ODAD4: variants seen among roughly 807,000 people sequenced by gnomAD.
The protein encoded by ODAD4 is outer dynein arm docking complex subunit 4, also known as outer dynein arm-docking complex subunit 4.
Under a neutral mutation model 51.8 loss-of-function variants are expected in ODAD4, and 49 were observed. That is an observed-to-expected ratio of 0.95 (90% CI 0.75 to 1.20). ODAD4 has a LOEUF of 1.20. Ranked by LOEUF, ODAD4 falls within the 50% of genes most tolerant of loss-of-function variation. The pLI is 0.00. For synonymous variants in ODAD4, 235 were observed against 221.3 expected (o/e 1.06, Z -0.55); for missense variants, 590 against 586.5 (o/e 1.01, Z -0.06).
chr17:41,959,013 CAAA>C (rs72102753), intron 10 of ODAD4, among the ~76,000 whole-genome samples: 1 of 88,084 alleles, frequency 1.1e-5, no homozygotes, highest in Non-Finnish European at 2.4e-5. Flanking sequence ...GACTCCGTCT[CAAA>C]AAAAAAAAAA....
rs2050448329 is a variant in ODAD4 at position 41,937,775 on chromosome 17, C to T, written c.626-782C>T. Among the ~76,000 whole-genome samples, 4 of 152,340 alleles carry T rather than the reference C, an allele frequency of 2.6e-5. 1 individual carries two copies. In the South Asian group the frequency reaches 6.2e-4, roughly 24 times the overall value. ...GTGTGAGCCACTACACCTGGCCAGT[C>T]CAGTGCTCTTTCCACCACACTGCTG... On this transcript the variant is annotated intron_variant, in intron 5 of 11. Transcript: ENST00000377540.
intron 5 of ODAD4, among the ~76,000 whole-genome samples, chr17:41,937,403 A>C (rs1405845191): frequency 2.0e-5 from 3 of 152,172 alleles, no homozygotes; most frequent in Non-Finnish European, 4.4e-5. Flanking sequence ...TTGGGAAGGA[A>C]CTTTCATAAG....
chr17:41,965,152 C>A lies in ODAD4; in HGVS notation c.1688C>A (p.Ala563Glu). ...TTTGGGGAAGCTCTGCAGAGCCCAGCAAGCGGAAAGCAGAGTGTGGAAGCA... is the reference window on the plus strand; with the variant it reads ...TTTGGGGAAGCTCTGCAGAGCCCAGAAAGCGGAAAGCAGAGTGTGGAAGCA... ...EAFGEALQSP[A>E]SGKQSVEAGK... The change falls in exon 12 of 12, where the codon GCA becomes GAA. Residue 563 changes from alanine to glutamate, a missense_variant. Transcript: ENST00000377540. The A allele has an allele frequency of 1.3e-6, 1 of 773,162 alleles. No individual in the cohort carries two copies. The highest frequency in any genetic ancestry group is 2.4e-6 in the Non-Finnish European group (1 of 414,462). The allele number at this position is 773,162 out of a possible 1,614,324, so 47.9% of individuals were successfully genotyped here. A position where few individuals can be genotyped will look rare whatever the true frequency, so the allele number is the denominator to read the frequency against.
Position 41,965,049 on chromosome 17 carries a change from A to G in ODAD4, c.1585A>G (p.Arg529Gly). The G allele has an allele frequency of 1.3e-6, 1 of 744,090 alleles. No homozygotes were observed. Among genetic ancestry groups the G allele is most frequent in the Non-Finnish European group, 2.5e-6 (1 of 399,744 alleles). The allele number at this position is 744,090 out of a possible 1,614,324, so 46.1% of individuals were successfully genotyped here. ...AAGAGAGAAGGACATGAGGAGAGTG[A>G]GAGATGAGCCCGAGAAGGTGGTGAA... ...ITREKDMRRV[R>G]DEPEKVVKQW... The change falls in exon 12 of 12, where the codon AGA (arginine) becomes GGA (glycine). Residue 529 changes from arginine to glycine, a missense_variant. Around this residue, in one of 3 missense-constraint regions of ODAD4, gnomAD observed 226 missense variants for 162.7 expected, o/e 1.39. Coordinates refer to ENST00000377540, the MANE Select transcript of ODAD4 (RefSeq NM_031421.5).
intron 7 of ODAD4, among the ~76,000 whole-genome samples, chr17:41,940,556 A>G (rs1182971578): frequency 6.6e-6 from 1 of 152,120 alleles, no homozygotes; most frequent in Non-Finnish European, 1.5e-5. Flanking sequence ...GCCATCCCAT[A>G]TTAGAAAAAA....
intron 9 of ODAD4, 143 bp from the exon 10 acceptor site, chr17:41,955,074 A>C (rs1555640794): frequency 2.8e-6 from 2 of 717,548 alleles, no homozygotes; most frequent in Admixed American, 3.7e-5. Flanking sequence ...CAGCTCAGTG[A>C]TGCTTCCCTG....
chr17:41,936,413 A>G, intron 3 of ODAD4, 60 bp from the exon 4 acceptor site: 2 of 1,230,942 alleles, frequency 1.6e-6, no homozygotes, highest in Non-Finnish European at 1.2e-6. Flanking sequence ...ACATAAAAAT[A>G]TGTGATAAGT....
chr17:41,959,958 C>T (rs552230517), intron 10 of ODAD4, among the ~76,000 whole-genome samples: 1 of 152,324 alleles, frequency 6.6e-6, no homozygotes, highest in South Asian at 2.1e-4. Flanking sequence ...TTGTCGTCCT[C>T]GTCATAAATG....
chr17:41,962,999 G>C (rs9900219), intron 11 of ODAD4, among the ~76,000 whole-genome samples: 1 of 151,998 alleles, frequency 6.6e-6, no homozygotes, highest in East Asian at 1.9e-4. Context: ...CTCTGTCTCC[G>C]CCCCCACATG....
At chr17:41,954,695 A>T (rs1372577262) in intron 9 of ODAD4, among the ~76,000 whole-genome samples, 1 of 151,908 alleles carries the variant, frequency 6.6e-6, no homozygotes, top group Non-Finnish European at 1.5e-5. Flanking sequence ...TACTTAAAAA[A>T]CAAAATTAGC....
rs967841357 is a variant in ODAD4 at position 41,966,090 on chromosome 17, C to A, written c.*607C>A. 1.3e-5 allele frequency among the ~76,000 whole-genome samples: 2 copies of A among 152,232 alleles called. No homozygotes were observed. On this transcript the variant is annotated 3_prime_UTR_variant, in exon 12 of 12. Coordinates refer to ENST00000377540, the MANE Select transcript of ODAD4 (RefSeq NM_031421.5). Reference sequence around the variant, plus strand: ...GCTTCTCCTCTGAACAATGGGATACCTGCCTCAGGGGTTGCTGCGAGGACT... The same window carrying A: ...GCTTCTCCTCTGAACAATGGGATACATGCCTCAGGGGTTGCTGCGAGGACT...
intron 9 of ODAD4, among the ~76,000 whole-genome samples, chr17:41,952,365 C>A (rs1192198777): frequency 2.7e-3 from 233 of 87,078 alleles, no homozygotes; most frequent in African/African-American, 4.0e-3. Flanking sequence ...GACTCTGTAT[C>A]AAAAAAAAAA....
intron 10 of ODAD4, among the ~76,000 whole-genome samples, chr17:41,957,958 A>C (rs1029651292): frequency 6.6e-6 from 1 of 151,968 alleles, no homozygotes; most frequent in Non-Finnish European, 1.5e-5. Flanking sequence ...TTTTTTGTAG[A>C]GATGAGGTCT....
chr17:41,936,447 C>T, intron 3 of ODAD4, 26 bp from the exon 4 acceptor site: 3 of 1,598,246 alleles, frequency 1.9e-6, no homozygotes, highest in Non-Finnish European at 2.6e-6. Context: ...TCTGGCCGAC[C>T]TGAGCTCCAG....
intron 9 of ODAD4, among the ~76,000 whole-genome samples, chr17:41,954,396 G>A (rs558830229): frequency 9.2e-5 from 14 of 152,182 alleles, no homozygotes; most frequent in Middle Eastern, 3.4e-3. Context: ...TAATTGGCAC[G>A]GAGAGCCCAG....
At chr17:41,954,012 G>A (rs1217608555) in intron 9 of ODAD4, among the ~76,000 whole-genome samples, 2 of 151,382 alleles carry the variant, frequency 1.3e-5, no homozygotes, top group Non-Finnish European at 2.9e-5. Flanking sequence ...TTTTGAGACA[G>A]TCTTGCTCTG....
Position 41,966,487 on chromosome 17 carries a change from G to C in ODAD4, c.*1004G>C, listed in dbSNP as rs570633837. On this transcript the variant is annotated 3_prime_UTR_variant, in exon 12 of 12. Coordinates refer to ENST00000377540, the MANE Select transcript of ODAD4 (RefSeq NM_031421.5). ...ATAAAATATCAAAAATTAAAGACAG[G>C]ATCCGACTTTGCACGACCCTGCCTC... 6.6e-6 allele frequency among the ~76,000 whole-genome samples: 1 copy of C among 152,186 alleles called. No individual in the cohort carries two copies. Among genetic ancestry groups the C allele is most frequent in the Non-Finnish European group, 1.5e-5 (1 of 68,034 alleles).
intron 7 of ODAD4, among the ~76,000 whole-genome samples, chr17:41,943,105 A>C (rs148724240): frequency 6.6e-6 from 1 of 152,138 alleles, no homozygotes; most frequent in African/African-American, 2.4e-5. Flanking sequence ...GCAAAACCTG[A>C]AAGTTGTCCC....
At chr17:41,950,281 A>G (rs1397052894) in intron 9 of ODAD4, among the ~76,000 whole-genome samples, 5 of 151,292 alleles carry the variant, frequency 3.3e-5, no homozygotes, top group Admixed American at 6.6e-5. Context: ...GCATTCTTGT[A>G]TTGAATCATT....
Sources: allele counts gnomAD v4.1 joint callset (sites outside exome capture counted in the v4.1 genomes callset), GRCh38; gene constraint gnomAD v4.1.1; regional missense constraint gnomAD v4.1.1; transcripts MANE v1.5; gene names NCBI Gene and HGNC (gene_info 2026-07-23, HGNC 2026-07-21).